The following PCDHGA1 variants were observed in gnomAD, a reference collection of about 807,000 sequenced individuals.
PCDHGA1 encodes protocadherin gamma subfamily A, 1.
PCDHGA1 carries 32 observed loss-of-function variants against 58.0 expected under a neutral mutation model. The observed-to-expected ratio is 0.55, with a 90% CI of 0.42 to 0.74. PCDHGA1 has a LOEUF of 0.74. PCDHGA1 is among the 30% of genes least tolerant of loss of function. The probability of loss-of-function intolerance (pLI) is 0.00; values close to 1 mark genes in which losing one functional copy is unlikely to be tolerated. For synonymous variants in PCDHGA1, 498 were observed against 501.1 expected (o/e 0.99, Z 0.08); for missense variants, 1,205 against 1,182.3 (o/e 1.02, Z -0.28).
chr5:141,432,991 C>G lies in PCDHGA1; in HGVS notation c.2422-61816C>G, dbSNP rs1269992849. ...CGGCGTCGCACTTTGTGGGCGTGGACGGGGTGCAGGCTTTCCTGCAGACCT... is the reference window on the plus strand; with the variant it reads ...CGGCGTCGCACTTTGTGGGCGTGGAGGGGGTGCAGGCTTTCCTGCAGACCT... On this transcript the variant is annotated intron_variant, in intron 1 of 3. Transcript: ENST00000517417. The surrounding 1 kb of genome is among the most constrained non-coding windows in gnomAD (Gnocchi z 6.0). The G allele has an allele frequency of 6.2e-7, 1 of 1,614,200 alleles. No homozygotes were observed. Among genetic ancestry groups the G allele is most frequent in the Admixed American group, 1.7e-5 (1 of 60,032 alleles).
intron 3 of PCDHGA1, chr5:141,507,291 T>A (rs956764262): frequency 3.4e-5 from 5 of 147,704 alleles, no homozygotes; most frequent in African/African-American, 5.1e-5. Flanking sequence ...CAGTCTCAAA[T>A]GTTGCATGAG....
chr5:141,484,883 G>GCC (rs1231530221), intron 1 of PCDHGA1: 2 of 352,506 alleles, frequency 5.7e-6, no homozygotes, highest in Admixed American at 9.0e-5. Flanking sequence ...GATAGGGTGG[G>GCC]CTTTTTCCCC....
At position 141,343,372 on chromosome 5, in the gene PCDHGA1, G is replaced by T. The variant is rs557811840; in HGVS notation, c.2421+10267G>T. On this transcript the variant is annotated intron_variant, in intron 1 of 3. Transcript: ENST00000517417. Reference sequence around the variant, plus strand: ...CTTAGAGAGTTAAGAGTATAGAGAGGGAAAGGTCAAAGAGGAGGTGGATAT... The same window carrying T: ...CTTAGAGAGTTAAGAGTATAGAGAGTGAAAGGTCAAAGAGGAGGTGGATAT... 22 of 982,464 alleles carry T rather than the reference G, an allele frequency of 2.2e-5. 1 individual carries two copies. In the South Asian group the frequency reaches 1.0e-3, roughly 46 times the overall value. 60.9% of individuals were successfully genotyped at this position (982,464 alleles called of 1,614,324 possible). A position where few individuals can be genotyped will look rare whatever the true frequency, so the allele number is the denominator to read the frequency against.
chr5:141,333,441 T>C, intron 1 of PCDHGA1: 1 of 415,334 alleles, frequency 2.4e-6, no homozygotes, highest in Non-Finnish European at 4.1e-6. Flanking sequence ...AAAGGTTTGA[T>C]TAGAAAAGGC....
chr5:141,380,586 A>G (rs1776590608), intron 1 of PCDHGA1, among the ~76,000 whole-genome samples: 1 of 152,226 alleles, frequency 6.6e-6, no homozygotes, highest in Non-Finnish European at 1.5e-5. Context: ...GCGGTCTAGT[A>G]AAGATCTTTA....
chr5:141,428,443 G>T (rs1004000862), intron 1 of PCDHGA1: 5 of 383,870 alleles, frequency 1.3e-5, no homozygotes, highest in Non-Finnish European at 2.0e-5. Context: ...TAGACCAGGG[G>T]TTTTTCCCAA....
At chr5:141,348,601 G>A (rs576514167) in intron 1 of PCDHGA1, among the ~76,000 whole-genome samples, 1 of 152,244 alleles carries the variant, frequency 6.6e-6, no homozygotes, top group East Asian at 1.9e-4. Flanking sequence ...TGAGAGTATG[G>A]AACCCATACA....
chr5:141,350,984 G>A (rs776868264), intron 1 of PCDHGA1: 4 of 1,614,090 alleles, frequency 2.5e-6, no homozygotes, highest in South Asian at 1.1e-5. Flanking sequence ...GTTTAGCCAG[G>A]AGGTATACAG....
intron 1 of PCDHGA1, chr5:141,367,051 G>T: frequency 3.1e-6 from 1 of 325,810 alleles, no homozygotes; most frequent in Non-Finnish European, 5.6e-6. Context: ...TAATAGAAAA[G>T]ATGTTTTATT....
intron 1 of PCDHGA1, among the ~76,000 whole-genome samples, chr5:141,353,057 T>C (rs72790007): frequency 0.022 from 3,282 of 152,274 alleles, 52 homozygotes; most frequent in South Asian, 0.039. Flanking sequence ...TTGATTTTCT[T>C]TCATTGTTCT....
At position 141,512,574 on chromosome 5, in the gene PCDHGA1, C is replaced by T. The variant is rs1429371202; in HGVS notation, c.*1401C>T. 6.5e-6 allele frequency: 1 copy of T among 152,884 alleles called. No homozygotes were observed. Among genetic ancestry groups the T allele is most frequent in the Non-Finnish European group, 1.5e-5 (1 of 68,502 alleles). The allele number at this position is 152,884 out of a possible 1,614,324, so 9.5% of individuals were successfully genotyped here. On this transcript the variant is annotated 3_prime_UTR_variant, in exon 4 of 4. Coordinates refer to ENST00000517417, the MANE Select transcript of PCDHGA1 (RefSeq NM_018912.3). ...GTGCATAGACCTTCTTCTCCCACCCCCTTCTGCCCCTGGGTCCCCGGCCAT... is the reference window on the plus strand; with the variant it reads ...GTGCATAGACCTTCTTCTCCCACCCTCTTCTGCCCCTGGGTCCCCGGCCAT...
intron 1 of PCDHGA1, among the ~76,000 whole-genome samples, chr5:141,443,656 A>G (rs139300845): frequency 1.3e-5 from 2 of 152,374 alleles, no homozygotes; most frequent in East Asian, 3.8e-4. Flanking sequence ...TTAGCATAGC[A>G]TTTTACTGAA....
intron 1 of PCDHGA1, chr5:141,372,377 C>A (rs1006605507): frequency 6.2e-7 from 1 of 1,613,996 alleles, no homozygotes; most frequent in Non-Finnish European, 8.5e-7. Flanking sequence ...TCATGCTGCA[C>A]CTAATCTTCG....
intron 1 of PCDHGA1, chr5:141,374,211 C>T (rs748746691): frequency 6.2e-6 from 10 of 1,613,954 alleles, no homozygotes; most frequent in Non-Finnish European, 8.5e-6. Context: ...GAGAAAGGCT[C>T]CTTCGTAGGC....
intron 1 of PCDHGA1, chr5:141,404,202 AAT>A: frequency 6.2e-7 from 1 of 1,613,738 alleles, no homozygotes; most frequent in Non-Finnish European, 8.5e-7. Context: ...AAAGCCTCAG[AAT>A]ATAATATCAC....
In PCDHGA1 at chr5:141,464,280, A is replaced by C. The variant is rs934753450; in HGVS notation, c.2422-30527A>C. Among the ~76,000 whole-genome samples, 148 of 75,930 alleles carry C rather than the reference A, an allele frequency of 1.9e-3. 1 individual carries two copies. Among genetic ancestry groups the C allele is most frequent in the African/African-American group, 0.011 (146 of 12,968 alleles). 49.8% of individuals were successfully genotyped at this position (75,930 alleles called of 152,430 possible). Reference sequence around the variant, plus strand: ...ACTCCGTCTAAAAAAAAAAAAAAGCAAAAAAAAAAACTCCATTGTATGTGC... The same window carrying C: ...ACTCCGTCTAAAAAAAAAAAAAAGCCAAAAAAAAAACTCCATTGTATGTGC... On this transcript the variant is annotated intron_variant, in intron 1 of 3. Transcript: ENST00000517417.
In PCDHGA1 at chr5:141,413,486, C is replaced by T. The variant is rs756751796; in HGVS notation, c.2421+80381C>T. On this transcript the variant is annotated intron_variant, in intron 1 of 3. Transcript: ENST00000517417. Reference sequence around the variant, plus strand: ...CGGGAGGAGCTCTGCGCTCAGAGCGCGCGGTGCGTGGTGAGTTTTAATATC... The same window carrying T: ...CGGGAGGAGCTCTGCGCTCAGAGCGTGCGGTGCGTGGTGAGTTTTAATATC... 5.0e-6 allele frequency: 8 copies of T among 1,613,914 alleles called. No homozygotes were observed. The African/African-American group carries it at 9.3e-5, about 19-fold the overall frequency.
chr5:141,352,972 G>A (rs74528428), intron 1 of PCDHGA1, among the ~76,000 whole-genome samples: 3,310 of 152,246 alleles, frequency 0.022, 54 homozygotes, highest in Non-Finnish European at 0.034. Flanking sequence ...TGGGTGATGG[G>A]AGGGAAACTG....
At chr5:141,405,339 A>G in intron 1 of PCDHGA1, 1 of 1,614,178 alleles carries the variant, frequency 6.2e-7, no homozygotes, top group Non-Finnish European at 8.5e-7. Context: ...GTCTCTGTTG[A>G]TTCCAAGTTT....
Sources: allele counts gnomAD v4.1 joint callset (sites outside exome capture counted in the v4.1 genomes callset), GRCh38; gene constraint gnomAD v4.1.1; non-coding constraint Gnocchi (gnomAD v3.1); transcripts MANE v1.5; gene names NCBI Gene and HGNC (gene_info 2026-07-23, HGNC 2026-07-21).